MORN5: variants seen among roughly 807,000 people sequenced by gnomAD.
The protein encoded by MORN5 is MORN repeat containing 5.
A neutral mutation model predicts 22.1 loss-of-function variants in MORN5; 21 were observed. The observed-to-expected ratio is 0.95, with a 90% CI of 0.67 to 1.37. The LOEUF (loss-of-function observed/expected upper bound fraction) is 1.37. MORN5 is among the 40% of genes most tolerant of loss of function. MORN5 has a pLI of 0.00. For missense variants in MORN5, 211 were observed against 215.1 expected (o/e 0.98, Z 0.12); for synonymous variants, 73 against 74.0 (o/e 0.99, Z 0.07).
intron 4 of MORN5, among the ~76,000 whole-genome samples, chr9:122,183,511 A>G (rs1020275552): frequency 1.3e-5 from 2 of 152,228 alleles, no homozygotes; most frequent in Non-Finnish European, 2.9e-5. Flanking sequence ...AACATATACA[A>G]CTAACAATGA....
chr9:122,166,809 T>C lies in MORN5; in HGVS notation c.89T>C (p.Ile30Thr). ...KAKYILPTETIYVGEMKDGMF... is the reference protein window; with the variant it reads ...KAKYILPTETTYVGEMKDGMF... ...AAGTACATCCTCCCTACCGAAACAA[T>C]ATATGTTGGGGAAATGAAGGATGGC... is the stretch of plus-strand genomic sequence containing the variant. The change falls in exon 2 of 5, where the codon ATA (isoleucine) becomes ACA (threonine). Residue 30 changes from isoleucine to threonine, a missense_variant. Coordinates refer to ENST00000373764, the MANE Select transcript of MORN5 (RefSeq NM_198469.4). The C allele has an allele frequency of 6.2e-7, 1 of 1,613,668 alleles. No homozygotes were observed. The highest frequency in any genetic ancestry group is 8.5e-7 in the Non-Finnish European group (1 of 1,179,838).
chr9:122,167,684 G>A (rs893181455), intron 2 of MORN5, among the ~76,000 whole-genome samples: 6 of 152,170 alleles, frequency 3.9e-5, no homozygotes, highest in East Asian at 1.9e-4. Flanking sequence ...ATCAACTCGG[G>A]ACAGTTAGTT....
intron 1 of MORN5, among the ~76,000 whole-genome samples, chr9:122,162,308 A>G (rs1267671922): frequency 1.3e-5 from 2 of 152,220 alleles, no homozygotes; most frequent in Non-Finnish European, 2.9e-5. Flanking sequence ...CTTGGAGTTT[A>G]AATGAATAGA....
At chr9:122,195,122 T>C (rs1829860188) in intron 4 of MORN5, among the ~76,000 whole-genome samples, 1 of 152,172 alleles carries the variant, frequency 6.6e-6, no homozygotes, top group East Asian at 1.9e-4. Flanking sequence ...TGTCTGGGTC[T>C]GTGAAGGGAT....
chr9:122,193,376 A>G (rs1829815962), intron 4 of MORN5, among the ~76,000 whole-genome samples: 1 of 152,236 alleles, frequency 6.6e-6, no homozygotes, highest in African/African-American at 2.4e-5. Flanking sequence ...CGTGAGGTCA[A>G]GAGATCGAGA....
At chr9:122,196,235 A>G (rs1157297831) in intron 4 of MORN5, among the ~76,000 whole-genome samples, 1 of 152,100 alleles carries the variant, frequency 6.6e-6, no homozygotes, top group Non-Finnish European at 1.5e-5. Flanking sequence ...TTGGGAGTAC[A>G]GTTATGAGCC....
intron 4 of MORN5, among the ~76,000 whole-genome samples, chr9:122,177,018 T>C (rs1829461946): frequency 6.6e-6 from 1 of 151,902 alleles, no homozygotes; most frequent in Admixed American, 6.5e-5. Flanking sequence ...CTGGGGACAA[T>C]AGTAAGAGAT....
At chr9:122,182,076 C>A (rs1829544392) in intron 4 of MORN5, among the ~76,000 whole-genome samples, 1 of 152,222 alleles carries the variant, frequency 6.6e-6, no homozygotes, top group South Asian at 2.1e-4. Flanking sequence ...GCTGCTGAAA[C>A]TTTGGGATCT....
intron 4 of MORN5, chr9:122,175,612 A>T (rs1363414976): frequency 1.1e-6 from 1 of 951,670 alleles, no homozygotes; most frequent in East Asian, 1.1e-4. Context: ...ACACGCGCAC[A>T]TGCATACACA....
chr9:122,161,263 G>C (rs572572814), intron 1 of MORN5, among the ~76,000 whole-genome samples: 27 of 152,182 alleles, frequency 1.8e-4, no homozygotes, highest in Admixed American at 3.3e-4. Context: ...AGGGATCTGT[G>C]GTCTGGACAG....
At position 122,181,654 on chromosome 9, in the gene MORN5, T is replaced by C. The variant is rs540567834; in HGVS notation, c.439+7027T>C. Among the ~76,000 whole-genome samples the C allele has an allele frequency of 2.6e-5, 4 of 152,236 alleles. No individual in the cohort carries two copies. The South Asian group carries it at 8.3e-4, about 32-fold the overall frequency. ...TGAGAGAGATGGCGTGGTGTGGTGG[T>C]TAAAAGCCTGGGGCCTGGAATCCAT... On this transcript the variant is annotated intron_variant, in intron 4 of 4. Transcript: ENST00000373764.
intron 4 of MORN5, among the ~76,000 whole-genome samples, chr9:122,183,258 C>T (rs1829563640): frequency 6.6e-6 from 1 of 152,194 alleles, no homozygotes; most frequent in Admixed American, 6.5e-5. Context: ...TCTAGCCCTT[C>T]CCCCTCCTAC....
chr9:122,196,963 T>TAA (rs1829906803), intron 4 of MORN5, among the ~76,000 whole-genome samples: 1 of 152,224 alleles, frequency 6.6e-6, no homozygotes, highest in Non-Finnish European at 1.5e-5. Flanking sequence ...CCTCCCCGAA[T>TAA]CTAGCACAAT....
chr9:122,180,282 C>CTTTTTTTTT (rs938997436), intron 4 of MORN5, among the ~76,000 whole-genome samples: 12 of 107,520 alleles, frequency 1.1e-4, no homozygotes, highest in African/African-American at 1.4e-4. Flanking sequence ...ACATTTTCTT[C>CTTTTTTTTT]TTTTTTTTTT....
chr9:122,160,001 G>A lies in MORN5; in HGVS notation c.29G>A (p.Gly10Glu), dbSNP rs1388346305. MEYTGSKYI[G>E]EYVDGRMEGK... is the part of the protein sequence containing the mutation. ...GAGTACACAGGGAGCAAATATATCG[G>A]GGAATATGTAGATGGGAGGTAAGGG... is the stretch of plus-strand genomic sequence containing the variant. Residue 10 changes from glycine to glutamate, a missense_variant, in exon 1 of 5, where the codon GGG becomes GAG. Transcript: ENST00000373764. The A allele has an allele frequency of 2.5e-6, 4 of 1,613,840 alleles. No individual in the cohort carries two copies. In the South Asian group the frequency reaches 3.3e-5, roughly 13 times the overall value.
chr9:122,185,661 A>G (rs982137231), intron 4 of MORN5, among the ~76,000 whole-genome samples: 1 of 152,148 alleles, frequency 6.6e-6, no homozygotes, highest in Non-Finnish European at 1.5e-5. Flanking sequence ...CGCCTGGCCA[A>G]TGAACAAGTG....
chr9:122,170,544 GGGGGAGGCTCTC>G (rs982042413), intron 3 of MORN5, among the ~76,000 whole-genome samples: 1 of 152,182 alleles, frequency 6.6e-6, no homozygotes, highest in African/African-American at 2.4e-5. Context: ...ATCAGGTGCT[GGGGGAGGCTCTC>G]TGTAATCCCT....
At chr9:122,165,033 G>C (rs1365074280) in intron 1 of MORN5, among the ~76,000 whole-genome samples, 1 of 152,140 alleles carries the variant, frequency 6.6e-6, no homozygotes, top group Non-Finnish European at 1.5e-5. Flanking sequence ...AAATACAGGA[G>C]ATAAGATACC....
rs1275456631 is a variant in MORN5, at chr9:122,197,497, C to T, written c.440-2388C>T. Among the ~76,000 whole-genome samples, 5 of 152,078 alleles carry T rather than the reference C, an allele frequency of 3.3e-5. No individual in the cohort carries two copies. Among genetic ancestry groups the T allele is most frequent in the Non-Finnish European group, 7.4e-5 (5 of 68,014 alleles). On this transcript the variant is annotated intron_variant, in intron 4 of 4. Transcript: ENST00000373764. The surrounding 1 kb of genome is among the most constrained non-coding windows in gnomAD (Gnocchi z 5.7). ...CAACCTCACCCTGGCGTGGCAGGGC[C>T]AGGGGAGCCGCAGAGAGGCGCAGGG...
Sources: gnomAD v4.1 joint callset for allele counts (sites outside exome capture counted in the v4.1 genomes callset) on GRCh38, gnomAD v4.1.1 for gene constraint, Gnocchi (gnomAD v3.1) non-coding constraint, MANE v1.5 for transcripts, NCBI Gene and HGNC (gene_info 2026-07-23, HGNC 2026-07-21) for gene names.